The following GOLIM4 variants were observed in gnomAD, a reference collection of about 807,000 sequenced individuals.
GOLIM4 encodes 130 kDa golgi-localized phosphoprotein.
Under a neutral mutation model 107.4 loss-of-function variants are expected in GOLIM4, and 71 were observed. The observed-to-expected ratio is 0.66, with a 90% CI of 0.55 to 0.81. The LOEUF is 0.81. Ranked by LOEUF, GOLIM4 falls within the 30% of genes least tolerant of loss-of-function variation. GOLIM4 has a pLI of 0.00. For synonymous variants in GOLIM4, 327 were observed against 294.8 expected (o/e 1.11, Z -1.12); for missense variants, 830 against 826.1 (o/e 1.00, Z -0.06).
At chr3:168,076,353 G>T (rs1432872796) in intron 1 of GOLIM4, among the ~76,000 whole-genome samples, 1 of 152,126 alleles carries the variant, frequency 6.6e-6, no homozygotes, top group African/African-American at 2.4e-5. Context: ...TTTTTTGTTT[G>T]TTTGTTTTGT....
At chr3:168,010,484 T>A in intron 15 of GOLIM4, 66 bp from the exon 16 acceptor site, 2 of 1,119,742 alleles carry the variant, frequency 1.8e-6, no homozygotes, top group Non-Finnish European at 2.6e-6. Context: ...TAATTCTCTC[T>A]AAAAACAGGA....
intron 8 of GOLIM4, among the ~76,000 whole-genome samples, chr3:168,033,640 A>AAAAAAAAC (rs1718472210): frequency 7.2e-6 from 1 of 138,260 alleles, no homozygotes; most frequent in Non-Finnish European, 1.6e-5. Context: ...AAAAAAAAAA[A>AAAAAAAAC]AGAATGCCAT....
At chr3:168,026,631 T>C (rs1247198497) in intron 12 of GOLIM4, among the ~76,000 whole-genome samples, 1 of 152,196 alleles carries the variant, frequency 6.6e-6, no homozygotes, top group Middle Eastern at 3.2e-3. Context: ...TCCCACCCCA[T>C]GCACATTTGC....
rs1553798925 is a variant in GOLIM4 at position 168,044,889 on chromosome 3, T to TAA, written c.313-9_313-8insTT. 4.2e-6 allele frequency: 6 copies of TAA among 1,414,226 alleles called. No individual in the cohort carries two copies. Among genetic ancestry groups the TAA allele is most frequent in the African/African-American group, 1.8e-5 (1 of 57,080 alleles). The allele number at this position is 1,414,226 out of a possible 1,614,324, so 87.6% of individuals were successfully genotyped here. Reference sequence around the variant, plus strand: ...TCTGCTATTGGAATCTTGCTGTAAATCAAAAAAAAAAAAGAAAACACAAAG... The same window carrying TAA: ...TCTGCTATTGGAATCTTGCTGTAAATAACAAAAAAAAAAAAGAAAACACAAAG... On this transcript the variant is annotated splice_polypyrimidine_tract_variant and intron_variant, in intron 3 of 15. Coordinates refer to ENST00000470487, the MANE Select transcript of GOLIM4 (RefSeq NM_014498.5).
chr3:168,057,065 C>T (rs1218638584), intron 1 of GOLIM4, among the ~76,000 whole-genome samples: 1 of 152,004 alleles, frequency 6.6e-6, no homozygotes, highest in African/African-American at 2.4e-5. Context: ...TGGGAGGTAA[C>T]CAAATCATGT....
At chr3:168,074,288 T>C (rs1220182673) in intron 1 of GOLIM4, among the ~76,000 whole-genome samples, 1 of 152,184 alleles carries the variant, frequency 6.6e-6, no homozygotes, top group Non-Finnish European at 1.5e-5. Flanking sequence ...AAATATGAAG[T>C]GTTTATGTTT....
chr3:168,050,766 T>C (rs1281088889), intron 1 of GOLIM4, among the ~76,000 whole-genome samples: 1 of 150,832 alleles, frequency 6.6e-6, no homozygotes, highest in Non-Finnish European at 1.5e-5. Context: ...CTATCCAAGA[T>C]CCTACAGCAG....
At chr3:168,040,484 T>C (rs1718918718) in intron 7 of GOLIM4, among the ~76,000 whole-genome samples, 1 of 152,206 alleles carries the variant, frequency 6.6e-6, no homozygotes, top group African/African-American at 2.4e-5. Flanking sequence ...GATCAGATAG[T>C]TGCAAAAGAC....
chr3:168,080,156 T>C (rs1456820154), intron 1 of GOLIM4, among the ~76,000 whole-genome samples: 2 of 152,134 alleles, frequency 1.3e-5, no homozygotes, highest in South Asian at 2.1e-4. Context: ...AAAAAAAATA[T>C]GATTAGAGCT....
chr3:168,087,745 CA>C (rs1721697890), intron 1 of GOLIM4, among the ~76,000 whole-genome samples: 1 of 152,160 alleles, frequency 6.6e-6, no homozygotes, highest in Non-Finnish European at 1.5e-5. Flanking sequence ...TTAGTTTCAT[CA>C]GGCTAGATCT....
chr3:168,041,674 T>A (rs1719010827), intron 5 of GOLIM4, among the ~76,000 whole-genome samples, 200 bp from the exon 6 acceptor site: 1 of 152,166 alleles, frequency 6.6e-6, no homozygotes, highest in Non-Finnish European at 1.5e-5. Context: ...TCCACTCTGG[T>A]TCAGTACTTT....
chr3:168,037,447 C>T (rs1373134499), intron 7 of GOLIM4, among the ~76,000 whole-genome samples: 2 of 115,366 alleles, frequency 1.7e-5, no homozygotes, highest in Non-Finnish European at 4.1e-5. Flanking sequence ...ATTTTAAATA[C>T]ACATACACAC....
In GOLIM4 at chr3:168,095,463, G is replaced by A; in HGVS notation, c.-178C>T. The A allele has an allele frequency of 3.6e-6, 2 of 556,996 alleles. No individual in the cohort carries two copies. The highest frequency in any genetic ancestry group is 6.2e-6 in the Non-Finnish European group (2 of 321,762). 34.5% of individuals were successfully genotyped at this position (556,996 alleles called of 1,614,324 possible). On this transcript the variant is annotated 5_prime_UTR_variant, in exon 1 of 16. Transcript: ENST00000470487. Reference sequence around the variant, plus strand: ...CCCGCTCAGCCCCCGCGCGGCGCGGGGCGCGCAGCCATCGACGCCGCCCGG... The same window carrying A: ...CCCGCTCAGCCCCCGCGCGGCGCGGAGCGCGCAGCCATCGACGCCGCCCGG...
At chr3:168,029,523 GATAAA>G (rs1325887322) in intron 10 of GOLIM4, among the ~76,000 whole-genome samples, 1 of 152,038 alleles carries the variant, frequency 6.6e-6, no homozygotes, top group Non-Finnish European at 1.5e-5. Context: ...ATCTTTTAAA[GATAAA>G]ATAAAATAAA....
chr3:168,023,329 T>C (rs1053513516), intron 14 of GOLIM4, among the ~76,000 whole-genome samples: 2 of 152,170 alleles, frequency 1.3e-5, no homozygotes, highest in African/African-American at 4.8e-5. Context: ...CAGCCAAGGG[T>C]CTTGATTAGG....
chr3:168,066,539 C>A (rs1350590885), intron 1 of GOLIM4, among the ~76,000 whole-genome samples: 6 of 152,064 alleles, frequency 3.9e-5, no homozygotes, highest in Non-Finnish European at 8.8e-5. Context: ...TCTTTTATCA[C>A]CTTGCAGATA....
At chr3:168,079,989 T>G (rs1308351588) in intron 1 of GOLIM4, among the ~76,000 whole-genome samples, 1 of 152,200 alleles carries the variant, frequency 6.6e-6, no homozygotes, top group Non-Finnish European at 1.5e-5. Context: ...TTTGTATTAT[T>G]GTTGCTAATA....
chr3:168,024,851 G>T, intron 13 of GOLIM4, 77 bp downstream of exon 13: 2 of 1,423,042 alleles, frequency 1.4e-6, no homozygotes, highest in South Asian at 1.2e-5. Flanking sequence ...TGTGGAATAT[G>T]ACTAACCTTT....
chr3:168,062,649 G>A (rs995756796), intron 1 of GOLIM4, among the ~76,000 whole-genome samples: 1 of 152,146 alleles, frequency 6.6e-6, no homozygotes. Context: ...TAATAGCAGA[G>A]GCTTTGCATT....
Sources: gnomAD v4.1 joint callset for allele counts (sites outside exome capture counted in the v4.1 genomes callset) on GRCh38, gnomAD v4.1.1 for gene constraint, MANE v1.5 for transcripts, NCBI Gene and HGNC (gene_info 2026-07-23, HGNC 2026-07-21) for gene names.